Variants in TEKT5 observed in about 807,000 individuals in gnomAD.
The protein encoded by TEKT5 is tektin 5, also known as tektin-5.
TEKT5 carries 52 observed loss-of-function variants against 48.7 expected under a neutral mutation model. The observed-to-expected ratio is 1.07, with a 90% CI of 0.86 to 1.35. The LOEUF is 1.35. TEKT5 is among the 40% of genes most tolerant of loss of function. The pLI is 0.00. For missense variants in TEKT5, 831 were observed against 641.6 expected (o/e 1.30, Z -3.19); for synonymous variants, 318 against 267.6 (o/e 1.19, Z -1.84).
At chr16:10,675,392 C>A (rs894467103) in intron 5 of TEKT5, among the ~76,000 whole-genome samples, 20 of 152,080 alleles carry the variant, frequency 1.3e-4, no homozygotes, top group Admixed American at 1.3e-3. Context: ...AAGAGCCAAC[C>A]CAGAGGTGTG....
chr16:10,660,661 C>CTGTGTGTGTG lies in TEKT5; in HGVS notation c.1086+15288_1086+15297dup, dbSNP rs4028826. On this transcript the variant is annotated intron_variant, in intron 5 of 6. Transcript: ENST00000283025. The stretch of plus-strand genomic sequence containing the variant: ...GAATGTTACCAGCAGGAGTGCAAGG[C>CTGTGTGTGTG]TGTGTGTGTGTGTGTGTGTGTGTGT... Among the ~76,000 whole-genome samples the CTGTGTGTGTG allele has an allele frequency of 2.1e-3, 306 of 144,402 alleles. 5 individuals carry two copies. The highest frequency in any genetic ancestry group is 8.0e-3 in the African/African-American group (301 of 37,562). The allele number at this position is 144,402 out of a possible 152,430, so 94.7% of individuals were successfully genotyped here. A position where few individuals can be genotyped will look rare whatever the true frequency, so the allele number is the denominator to read the frequency against.
At chr16:10,690,070 G>T in intron 1 of TEKT5, 45 bp from the exon 2 acceptor site, 1 of 1,599,494 alleles carries the variant, frequency 6.3e-7, no homozygotes, top group Non-Finnish European at 8.5e-7. Context: ...GTAGCTGTAT[G>T]TAGACCCTGA....
intron 5 of TEKT5, among the ~76,000 whole-genome samples, chr16:10,652,726 CT>C: frequency 1.9e-5 from 2 of 106,458 alleles, no homozygotes; most frequent in African/African-American, 8.8e-5. Context: ...CACACACACC[CT>C]CCAGGCCAGG....
intron 3 of TEKT5, among the ~76,000 whole-genome samples, chr16:10,683,325 G>A (rs1370788375): frequency 2.0e-5 from 3 of 152,036 alleles, no homozygotes; most frequent in Non-Finnish European, 2.9e-5. Flanking sequence ...GTGGGGTCAG[G>A]GACTGGGCGG....
At chr16:10,636,065 G>A in intron 5 of TEKT5, 147 bp from the exon 6 acceptor site, 1 of 1,273,144 alleles carries the variant, frequency 7.9e-7, no homozygotes, top group African/African-American at 1.5e-5. Context: ...TTTAGGGCAG[G>A]AAGCTCACCC....
chr16:10,690,752 A>C, intron 1 of TEKT5: 1 of 985,410 alleles, frequency 1.0e-6, no homozygotes, highest in Non-Finnish European at 1.2e-6. Flanking sequence ...GGGGCTTTTC[A>C]GGGGCGCTCT....
Position 10,694,680 on chromosome 16 carries a change from G to A in TEKT5, c.194C>T (p.Pro65Leu), listed in dbSNP as rs370793376. ...CCGCAGGGTACTGGTGCTCTCGTCCGGGCAGGTCTGGACGTTGGCTATCTT... is the reference window on the plus strand; with the variant it reads ...CCGCAGGGTACTGGTGCTCTCGTCCAGGCAGGTCTGGACGTTGGCTATCTT... ...FYKIANVQTCPDESTSTLRPP... is the reference protein window; with the variant it reads ...FYKIANVQTCLDESTSTLRPP... The change falls in exon 1 of 7, where the codon CCG becomes CTG. Residue 65 changes from proline to leucine, a missense_variant. Physicochemically the swap from Pro to Leu is moderately conservative, Grantham distance 98 (BLOSUM62 -3). Transcript: ENST00000283025. The A allele has an allele frequency of 1.8e-4, 294 of 1,613,342 alleles. No individual in the cohort carries two copies. The highest frequency in any genetic ancestry group is 1.5e-3 in the Middle Eastern group (9 of 6,056).
At position 10,627,743 on chromosome 16, in the gene TEKT5, A is replaced by G; in HGVS notation, c.1298T>C (p.Leu433Pro). 6.2e-7 allele frequency: 1 copy of G among 1,614,256 alleles called. No individual in the cohort carries two copies. The highest frequency in any genetic ancestry group is 1.1e-5 in the South Asian group (1 of 91,088). ...CTGCAGCGTGTCCTGTGTCTCCCGCAGCCGCAGCTTGAGGGTCTGCAGGGT... is the reference window on the plus strand; with the variant it reads ...CTGCAGCGTGTCCTGTGTCTCCCGCGGCCGCAGCTTGAGGGTCTGCAGGGT... ...DDTLQTLKLR[L>P]RETQDTLQLL... Residue 433 changes from leucine to proline, a missense_variant, in exon 7 of 7, where the codon CTG (leucine) becomes CCG (proline). Physicochemically the swap from Leu to Pro is moderately conservative, Grantham distance 98 (BLOSUM62 -3). Transcript: ENST00000283025.
At chr16:10,669,240 G>A (rs974941536) in intron 5 of TEKT5, among the ~76,000 whole-genome samples, 8 of 151,982 alleles carry the variant, frequency 5.3e-5, no homozygotes, top group South Asian at 2.1e-4. Context: ...GGCTGAGGCC[G>A]GTGGATCACC....
chr16:10,692,280 C>T lies in TEKT5; in HGVS notation c.564+2030G>A, dbSNP rs951794423. ...GGCTCTGAAAAGCTGCCCTGCCCATCATTCTTCCCAGGGAGAATCTGGGGT... is the reference window on the plus strand; with the variant it reads ...GGCTCTGAAAAGCTGCCCTGCCCATTATTCTTCCCAGGGAGAATCTGGGGT... On this transcript the variant is annotated intron_variant, in intron 1 of 6. Coordinates refer to ENST00000283025, the MANE Select transcript of TEKT5 (RefSeq NM_144674.2). Among the ~76,000 whole-genome samples the T allele has an allele frequency of 1.6e-4, 24 of 152,162 alleles. 1 individual carries two copies. The highest frequency in any genetic ancestry group is 2.9e-5 in the Non-Finnish European group (2 of 68,034).
intron 5 of TEKT5, among the ~76,000 whole-genome samples, chr16:10,640,730 T>G (rs373002069): frequency 1.6e-4 from 25 of 151,816 alleles, no homozygotes; most frequent in African/African-American, 5.1e-4. Flanking sequence ...TATATATTTG[T>G]TTTTGGAGGG....
chr16:10,649,043 G>A (rs1394251224), intron 5 of TEKT5, among the ~76,000 whole-genome samples: 3 of 151,326 alleles, frequency 2.0e-5, no homozygotes, highest in African/African-American at 7.3e-5. Flanking sequence ...TTAAACTCCC[G>A]GGCTCAAGTG....
At chr16:10,659,660 A>T (rs528991138) in intron 5 of TEKT5, among the ~76,000 whole-genome samples, 1 of 152,208 alleles carries the variant, frequency 6.6e-6, no homozygotes, top group Admixed American at 6.5e-5. Context: ...CACACCTGGC[A>T]ATACCTCACT....
chr16:10,629,302 G>A (rs1376664903), intron 6 of TEKT5, among the ~76,000 whole-genome samples: 1 of 151,606 alleles, frequency 6.6e-6, no homozygotes, highest in East Asian at 1.9e-4. Flanking sequence ...CCAGGCTGGA[G>A]TGCAGTGGTG....
At chr16:10,659,499 C>T (rs1032577792) in intron 5 of TEKT5, among the ~76,000 whole-genome samples, 1 of 152,134 alleles carries the variant, frequency 6.6e-6, no homozygotes, top group Non-Finnish European at 1.5e-5. Flanking sequence ...CCTGCCTCAG[C>T]CTCCCGAGTA....
At chr16:10,691,943 A>T (rs1282586423) in intron 1 of TEKT5, among the ~76,000 whole-genome samples, 5 of 118,162 alleles carry the variant, frequency 4.2e-5, no homozygotes. Flanking sequence ...GCGAGAGTCC[A>T]TCTCAAAAAA....
intron 6 of TEKT5, among the ~76,000 whole-genome samples, chr16:10,631,366 G>GT (rs1237353909): frequency 4.3e-5 from 6 of 138,144 alleles, no homozygotes; most frequent in African/African-American, 1.6e-4. Flanking sequence ...GGCGGGGGAG[G>GT]GTTGAAACAG....
chr16:10,639,106 AC>A (rs1458157647), intron 5 of TEKT5, among the ~76,000 whole-genome samples: 1 of 152,074 alleles, frequency 6.6e-6, no homozygotes, highest in Non-Finnish European at 1.5e-5. Flanking sequence ...GGAGTTTGAG[AC>A]CAGCCTGGCC....
At chr16:10,688,888 G>A (rs75160332) in intron 3 of TEKT5, among the ~76,000 whole-genome samples, 1,606 of 152,290 alleles carry the variant, frequency 0.011, 28 homozygotes, top group African/African-American at 0.034. Context: ...AACTCAAATG[G>A]GGAAGCCACA....
Sources: allele counts gnomAD v4.1 joint callset (sites outside exome capture counted in the v4.1 genomes callset), GRCh38; gene constraint gnomAD v4.1.1; transcripts MANE v1.5; gene names NCBI Gene and HGNC (gene_info 2026-07-23, HGNC 2026-07-21).